CATSPERE: variants seen among roughly 807,000 people sequenced by gnomAD.
CATSPERE encodes the protein catsper channel auxiliary subunit epsilon, also known as cation channel sperm-associated auxiliary subunit epsilon.
In CATSPERE, 93 loss-of-function variants were observed where a neutral mutation model predicts 114.1. The ratio of observed to expected loss-of-function variants is 0.81; its 90% CI spans 0.69 to 0.97. The LOEUF (loss-of-function observed/expected upper bound fraction) is 0.97. CATSPERE is among the 50% of genes least tolerant of loss of function. The pLI is 0.00. For missense variants in CATSPERE, 1,058 were observed against 1,131.6 expected (o/e 0.93, Z 0.93); for synonymous variants, 341 against 384.1 (o/e 0.89, Z 1.31).
intron 9 of CATSPERE, among the ~76,000 whole-genome samples, chr1:244,557,857 G>A (rs61274021): frequency 0.13 from 20,210 of 151,244 alleles, 2,435 homozygotes; most frequent in African/African-American, 0.32. Flanking sequence ...TGACCTGCTC[G>A]TTATTTTTTC....
At chr1:244,475,974 A>AT (rs1402822660) in intron 2 of CATSPERE, among the ~76,000 whole-genome samples, 2 of 151,778 alleles carry the variant, frequency 1.3e-5, no homozygotes, top group African/African-American at 2.4e-5. Flanking sequence ...ATATCTTAGG[A>AT]TTTTTTTCTG....
chr1:244,578,381 G>A (rs1223531757), intron 11 of CATSPERE, among the ~76,000 whole-genome samples: 1 of 152,016 alleles, frequency 6.6e-6, no homozygotes, highest in Non-Finnish European at 1.5e-5. Context: ...TCAAATTCCT[G>A]ACCTCGTGAT....
intron 7 of CATSPERE, among the ~76,000 whole-genome samples, chr1:244,508,100 A>T (rs1281232491): frequency 6.6e-6 from 1 of 152,120 alleles, no homozygotes. Flanking sequence ...CTGATACTGC[A>T]ATATGGAATG....
intron 8 of CATSPERE, among the ~76,000 whole-genome samples, chr1:244,546,680 A>G (rs1659806831): frequency 6.6e-6 from 1 of 152,256 alleles, no homozygotes; most frequent in Non-Finnish European, 1.5e-5. Flanking sequence ...GTGCTGAAAA[A>G]TAAGTGAACA....
intron 7 of CATSPERE, among the ~76,000 whole-genome samples, chr1:244,508,708 G>A (rs1160638977): frequency 6.6e-6 from 1 of 151,128 alleles, no homozygotes; most frequent in Non-Finnish European, 1.5e-5. Context: ...CTATATATAA[G>A]ATTGTGTTGG....
chr1:244,531,046 G>A (rs1333574008), intron 8 of CATSPERE, among the ~76,000 whole-genome samples: 1 of 151,576 alleles, frequency 6.6e-6, no homozygotes, highest in Non-Finnish European at 1.5e-5. Flanking sequence ...TGACCAACAT[G>A]CTGAAATCCC....
chr1:244,497,685 T>C (rs1029907600), intron 6 of CATSPERE, among the ~76,000 whole-genome samples: 1 of 152,170 alleles, frequency 6.6e-6, no homozygotes, highest in Non-Finnish European at 1.5e-5. Context: ...TAATCCCAGC[T>C]ACTCGGGAAG....
intron 7 of CATSPERE, among the ~76,000 whole-genome samples, chr1:244,505,860 G>A (rs1194842083): frequency 6.6e-6 from 1 of 152,048 alleles, no homozygotes; most frequent in South Asian, 2.1e-4. Flanking sequence ...CAAAAAATTA[G>A]CTGGGCATGG....
chr1:244,593,611 A>G (rs377605237), intron 17 of CATSPERE, 33 bp downstream of exon 17: 435 of 1,556,566 alleles, frequency 2.8e-4, no homozygotes, highest in Non-Finnish European at 2.6e-4. Flanking sequence ...TTTAACTTAT[A>G]TTGAAAGTTT....
chr1:244,460,473 C>T (rs2148054649), upstream of CATSPERE, among the ~76,000 whole-genome samples: 1 of 152,348 alleles, frequency 6.6e-6, no homozygotes, highest in East Asian at 1.9e-4. Context: ...CCTGACCAAT[C>T]AGCACTCCTG....
chr1:244,475,446 C>A (rs911896737), intron 2 of CATSPERE, among the ~76,000 whole-genome samples: 1 of 151,538 alleles, frequency 6.6e-6, no homozygotes, highest in Non-Finnish European at 1.5e-5. Flanking sequence ...GTTGGCCAGA[C>A]TGGTCTCGAA....
rs528382252 is a variant in CATSPERE, at chr1:244,484,653, C to T, written c.326+4869C>T. On this transcript the variant is annotated intron_variant, in intron 5 of 21. Transcript: ENST00000366534. The stretch of plus-strand genomic sequence containing the variant: ...CTCCTTACCATCATTTTGGTGCTTT[C>T]TAGTTGTTTGTTTATCCTTCATATT... 1.5e-4 allele frequency among the ~76,000 whole-genome samples: 23 copies of T among 152,274 alleles called. No homozygotes were observed. In the South Asian group the frequency reaches 1.9e-3, roughly 12 times the overall value.
intron 13 of CATSPERE, among the ~76,000 whole-genome samples, chr1:244,586,797 G>C (rs1408866834): frequency 6.6e-6 from 1 of 152,142 alleles, no homozygotes. Context: ...ACCCTGTTGA[G>C]ACAGCCTGCT....
At chr1:244,624,973 A>T (rs1672915752) in intron 20 of CATSPERE, among the ~76,000 whole-genome samples, 1 of 152,062 alleles carries the variant, frequency 6.6e-6, no homozygotes, top group Admixed American at 6.5e-5. Flanking sequence ...CCCCCACTGA[A>T]GTCTTGAATC....
At position 244,463,892 on chromosome 1, in the gene CATSPERE, GCCTCTT is replaced by G; in HGVS notation, c.66-11_66-6del. 6.3e-7 allele frequency: 1 copy of G among 1,578,362 alleles called. No individual in the cohort carries two copies. Among genetic ancestry groups the G allele is most frequent in the Non-Finnish European group, 8.7e-7 (1 of 1,147,990 alleles). On this transcript the variant is annotated splice_polypyrimidine_tract_variant and intron_variant, in intron 1 of 21. Coordinates refer to ENST00000366534, the MANE Select transcript of CATSPERE (RefSeq NM_001130957.2). The stretch of plus-strand genomic sequence containing the variant: ...AAATTAGTTTTAATATTTATACTTG[GCCTCTT>G]CCTCCACAGGTATTCCACTAACAGC...
intron 2 of CATSPERE, among the ~76,000 whole-genome samples, chr1:244,469,613 C>T (rs1668146472): frequency 6.6e-6 from 1 of 152,118 alleles, no homozygotes; most frequent in African/African-American, 2.4e-5. Flanking sequence ...ACGACATGAT[C>T]CTTTATATAG....
At chr1:244,479,875 C>T (rs898508939) in intron 5 of CATSPERE, 91 bp downstream of exon 5, 49 of 610,954 alleles carry the variant, frequency 8.0e-5, no homozygotes, top group Middle Eastern at 4.3e-4. Context: ...ATCTATATTA[C>T]GGTTTCCATA....
At chr1:244,517,522 A>C (rs1243835404) in intron 7 of CATSPERE, among the ~76,000 whole-genome samples, 1 of 152,132 alleles carries the variant, frequency 6.6e-6, no homozygotes, top group East Asian at 1.9e-4. Flanking sequence ...GTGTAATCCC[A>C]GCACTTTAGG....
At chr1:244,524,084 A>G (rs1464816714) in intron 8 of CATSPERE, among the ~76,000 whole-genome samples, 1 of 151,386 alleles carries the variant, frequency 6.6e-6, no homozygotes, top group Admixed American at 6.6e-5. Context: ...CTGACTTCAA[A>G]CTATACTACA....
Sources: allele counts gnomAD v4.1 joint callset (sites outside exome capture counted in the v4.1 genomes callset), GRCh38; gene constraint gnomAD v4.1.1; transcripts MANE v1.5; gene names NCBI Gene and HGNC (gene_info 2026-07-23, HGNC 2026-07-21).